The following BCAT1 variants were observed in gnomAD, a reference collection of about 807,000 sequenced individuals.
BCAT1 encodes branched chain amino acid transaminase 1.
Under a neutral mutation model 52.4 loss-of-function variants are expected in BCAT1, and 48 were observed. The ratio of observed to expected loss-of-function variants is 0.92; its 90% confidence interval spans 0.73 to 1.16. The LOEUF (loss-of-function observed/expected upper bound fraction) is 1.16, where lower values mean the gene tolerates loss of function less well. BCAT1 is among the 50% of genes most tolerant of loss of function. BCAT1 has a pLI of 0.00. For missense variants in BCAT1, 451 were observed against 457.1 expected (o/e 0.99, Z 0.12); for synonymous variants, 167 against 161.3 (o/e 1.04, Z -0.27).
At chr12:24,897,600 C>T (rs755796836) in intron 2 of BCAT1, among the ~76,000 whole-genome samples, 1 of 152,160 alleles carries the variant, frequency 6.6e-6, no homozygotes, top group African/African-American at 2.4e-5. Context: ...GTCACCCAGG[C>T]GGAAGAGCAG....
chr12:24,895,173 A>T (rs1037129550), intron 2 of BCAT1, among the ~76,000 whole-genome samples: 1 of 152,254 alleles, frequency 6.6e-6, no homozygotes, highest in African/African-American at 2.4e-5. Context: ...CGACATAGCC[A>T]GTTTGCCCAC....
chr12:24,837,538 TGCCTCA>T, intron 7 of BCAT1, among the ~76,000 whole-genome samples: 1 of 151,234 alleles, frequency 6.6e-6, no homozygotes, highest in Admixed American at 6.6e-5. Context: ...GTGATTCTCC[TGCCTCA>T]GCCTCCTGAG....
chr12:24,871,979 C>A (rs1942195268), intron 5 of BCAT1, among the ~76,000 whole-genome samples: 1 of 152,040 alleles, frequency 6.6e-6, no homozygotes. Context: ...ATGTATTTCA[C>A]ATAGGACTAT....
At chr12:24,880,825 C>A (rs1479618258) in intron 4 of BCAT1, among the ~76,000 whole-genome samples, 1 of 130,092 alleles carries the variant, frequency 7.7e-6, no homozygotes, top group Non-Finnish European at 1.6e-5. Flanking sequence ...ATATTATTTT[C>A]TTGGGTTTTT....
chr12:24,844,496 T>C (rs1197911402), intron 6 of BCAT1, among the ~76,000 whole-genome samples: 2 of 152,158 alleles, frequency 1.3e-5, no homozygotes, highest in Admixed American at 1.3e-4. Flanking sequence ...ACTGAAAGAA[T>C]ATTGACTAAT....
chr12:24,944,428 C>G (rs1428897170), intron 1 of BCAT1, among the ~76,000 whole-genome samples: 1 of 152,200 alleles, frequency 6.6e-6, no homozygotes, highest in Admixed American at 6.5e-5. Context: ...CCAGGATATA[C>G]CCAAACTTCG....
At chr12:24,832,392 T>TA (rs1295938661) in intron 9 of BCAT1, among the ~76,000 whole-genome samples, 1 of 152,126 alleles carries the variant, frequency 6.6e-6, no homozygotes, top group Admixed American at 6.5e-5. Context: ...AGTGCCAAGT[T>TA]AAAAAACAAA....
At chr12:24,859,489 C>T (rs887340105) in intron 5 of BCAT1, among the ~76,000 whole-genome samples, 4 of 151,740 alleles carry the variant, frequency 2.6e-5, no homozygotes, top group Admixed American at 6.6e-5. Context: ...AGCGTAGTGG[C>T]GGGTGCCTGT....
chr12:24,932,168 T>C (rs1355184572), intron 1 of BCAT1, among the ~76,000 whole-genome samples: 1 of 152,204 alleles, frequency 6.6e-6, no homozygotes, highest in African/African-American at 2.4e-5. Context: ...GTAACCATAG[T>C]ACACTACTTG....
At chr12:24,849,189 G>A (rs1214577093) in intron 6 of BCAT1, among the ~76,000 whole-genome samples, 6 of 152,324 alleles carry the variant, frequency 3.9e-5, no homozygotes, top group South Asian at 2.1e-4. Flanking sequence ...CCCTGAAATC[G>A]TCCAACACTT....
chr12:24,824,166 C>G (rs1566553829), intron 10 of BCAT1, among the ~76,000 whole-genome samples: 2 of 152,120 alleles, frequency 1.3e-5, no homozygotes, highest in Non-Finnish European at 2.9e-5. Context: ...TTCAATTTTT[C>G]TCAGCCTAGT....
At chr12:24,818,085 A>G in intron 10 of BCAT1, 36 bp from the exon 11 acceptor site, 1 of 1,608,104 alleles carries the variant, frequency 6.2e-7, no homozygotes, top group East Asian at 2.2e-5. Context: ...TTCAGTACAG[A>G]AGCTAACAGG....
Position 24,817,255 on chromosome 12 carries a change from A to C in BCAT1, c.*753T>G, listed in dbSNP as rs1939910227. On this transcript the variant is annotated 3_prime_UTR_variant, in exon 11 of 11. Transcript: ENST00000261192. ...AGAAGGTACACTTCTATAGAAGCAA[A>C]ATGTTCACTGATTCATTATAAAACC... 6.6e-6 allele frequency: 1 copy of C among 152,246 alleles called. No individual in the cohort carries two copies. Among genetic ancestry groups the C allele is most frequent in the Non-Finnish European group, 1.5e-5 (1 of 68,038 alleles). 9.4% of individuals were successfully genotyped at this position (152,246 alleles called of 1,614,324 possible).
At chr12:24,901,666 T>C (rs533723500) in intron 2 of BCAT1, 148 bp downstream of exon 2, 2 of 784,038 alleles carry the variant, frequency 2.6e-6, no homozygotes, top group South Asian at 1.9e-5. Context: ...TGGCTTTTTT[T>C]CCTCTAAGAG....
At chr12:24,838,259 T>A (rs1415151198) in intron 7 of BCAT1, among the ~76,000 whole-genome samples, 1 of 152,170 alleles carries the variant, frequency 6.6e-6, no homozygotes, top group Non-Finnish European at 1.5e-5. Context: ...ATAATAAATG[T>A]TTTTGAGTAA....
chr12:24,812,821 A>G lies in BCAT1; in HGVS notation c.*5187T>C, dbSNP rs1939733835. On this transcript the variant is annotated 3_prime_UTR_variant, in exon 11 of 11. Transcript: ENST00000261192. ...CCATTGTGATAGTGGATATGTAGAG[A>G]AAAGCCAGTGAAACTATATTTTAAT... 1 of 152,012 alleles carries G rather than the reference A, an allele frequency of 6.6e-6. No individual in the cohort carries two copies. The highest frequency in any genetic ancestry group is 2.1e-4 in the South Asian group (1 of 4,830). The allele number at this position is 152,012 out of a possible 1,614,324, so 9.4% of individuals were successfully genotyped here.
intron 3 of BCAT1, among the ~76,000 whole-genome samples, chr12:24,891,355 C>T (rs1043785516): frequency 6.6e-6 from 1 of 152,130 alleles, no homozygotes; most frequent in African/African-American, 2.4e-5. Context: ...TGCTAAGAGA[C>T]ACTCCCTCCA....
chr12:24,842,073 G>A lies in BCAT1; in HGVS notation c.817+9C>T, dbSNP rs537943272. ...GAGAAATGCACACAGTGAAATCTGA[G>A]TGGATTACCTCCATCTTCATTTATC... On this transcript the variant is annotated intron_variant, in intron 7 of 10. Coordinates refer to ENST00000261192, the MANE Select transcript of BCAT1 (RefSeq NM_005504.7). The A allele has an allele frequency of 1.5e-5, 24 of 1,612,904 alleles. No individual in the cohort carries two copies. In the African/African-American group the frequency reaches 3.1e-4, roughly 21 times the overall value.
At chr12:24,876,185 C>T (rs1234688044) in intron 5 of BCAT1, among the ~76,000 whole-genome samples, 1 of 147,492 alleles carries the variant, frequency 6.8e-6, no homozygotes, top group Non-Finnish European at 1.5e-5. Flanking sequence ...CAGTCAAAAA[C>T]TCCTAAGTAG....
Sources: allele counts gnomAD v4.1 joint callset (sites outside exome capture counted in the v4.1 genomes callset), GRCh38; gene constraint gnomAD v4.1.1; transcripts MANE v1.5; gene names NCBI Gene and HGNC (gene_info 2026-07-23, HGNC 2026-07-21).